Variants in LPIN1 observed in about 807,000 individuals in gnomAD.
The protein encoded by LPIN1 is lipin 1, also known as phosphatidate phosphatase LPIN1.
LPIN1 carries 71 observed loss-of-function variants against 107.5 expected under a neutral mutation model. The observed-to-expected ratio is 0.66, with a 90% CI of 0.55 to 0.80. The LOEUF (loss-of-function observed/expected upper bound fraction) is 0.80, where lower values mean the gene tolerates loss of function less well. Ranked by LOEUF, LPIN1 falls within the 30% of genes least tolerant of loss-of-function variation. The pLI, the probability that LPIN1 is intolerant of heterozygous loss-of-function variation, is 0.00. For missense variants in LPIN1, 1,043 were observed against 1,160.6 expected (o/e 0.90, Z 1.47); for synonymous variants, 445 against 452.6 (o/e 0.98, Z 0.21).
At position 11,815,188 on chromosome 2, in the gene LPIN1, C is replaced by T; in HGVS notation, c.2350C>T (p.Pro784Ser). Residue 784 changes from proline (P) to serine (S), a missense_variant, in exon 18 of 21, where the codon CCC becomes TCC. Pro to Ser is a moderately conservative substitution (Grantham distance 74, BLOSUM62 -1). Coordinates refer to ENST00000674199, the MANE Select transcript of LPIN1 (RefSeq NM_001349206.2). ...GGTCAACGAGAGGGGCACGGTGCTG[C>T]CCCAGGGGCCCCTGCTGCTGAGTCC... The part of the protein sequence containing the change: ...HWVNERGTVL[P>S]QGPLLLSPSS... The T allele has an allele frequency of 6.2e-7, 1 of 1,614,194 alleles. No individual in the cohort carries two copies. Among genetic ancestry groups the T allele is most frequent in the Non-Finnish European group, 8.5e-7 (1 of 1,180,018 alleles).
chr2:11,823,228 G>C (rs185057146), intron 20 of LPIN1: 1 of 152,304 alleles, frequency 6.6e-6, no homozygotes, highest in African/African-American at 2.4e-5. Flanking sequence ...GGTCGGTCTG[G>C]GGGAGGCGCG....
chr2:11,775,942 TTAAAGTA>T, intron 5 of LPIN1, 137 bp from the exon 6 acceptor site: 1 of 210,620 alleles, frequency 4.7e-6, no homozygotes, highest in Non-Finnish European at 9.4e-6. Context: ...TATATAGTCT[TTAAAGTA>T]TATTATATAT....
Position 11,677,737 on chromosome 2 carries a change from C to T in LPIN1, c.81+9C>T, listed in dbSNP as rs186272661. On this transcript the variant is annotated intron_variant, in intron 1 of 21. Coordinates refer to the LPIN1 transcript ENST00000449576. ...ACTCGGCTTGGTCATGGGTAAGGGC[C>T]GGCCATGTGGCCATCTGCAAACACA... 2,016 of 1,534,882 alleles carry T rather than the reference C, an allele frequency of 1.3e-3. 5 individuals carry two copies. The highest frequency in any genetic ancestry group is 1.8e-3 in the South Asian group (155 of 84,056).
chr2:11,801,580 G>C lies in LPIN1; in HGVS notation c.1887-1327G>C, dbSNP rs551435545. Among the ~76,000 whole-genome samples, 8 of 152,270 alleles carry C rather than the reference G, an allele frequency of 5.3e-5. No homozygotes were observed. In the South Asian group the frequency reaches 1.2e-3, roughly 24 times the overall value. On this transcript the variant is annotated intron_variant, in intron 14 of 20. Coordinates refer to ENST00000674199, the MANE Select transcript of LPIN1 (RefSeq NM_001349206.2). ...ATTTCATGGAGGTAGAGAGTAGAAT[G>C]GTGGTTACCAGAGCTGGGAAGGGTA...
rs1271341002 is a variant in LPIN1 at position 11,765,667 on chromosome 2, C to T, written c.126C>T (p.Asn42=). 4 of 1,614,066 alleles carry T rather than the reference C, an allele frequency of 2.5e-6. No individual in the cohort carries two copies. The highest frequency in any genetic ancestry group is 3.3e-5 in the Admixed American group (2 of 60,016). ...DIIVIRQPNG[N]LQCSPFHVRF... ...TTGTCATCCGCCAGCCCAATGGAAA[C>T]CTCCAATGCTCCCCTTTCCACGTCC... The change falls in exon 2 of 21, where the codon AAC becomes AAT. Residue 42 remains asparagine, a synonymous_variant. Coordinates refer to ENST00000674199, the MANE Select transcript of LPIN1 (RefSeq NM_001349206.2). This position sits in a 1 kb window ranked among gnomAD's most constrained non-coding sequence, Gnocchi z 4.4.
intron 12 of LPIN1, among the ~76,000 whole-genome samples, chr2:11,790,586 T>G (rs1572852315): frequency 1.3e-5 from 2 of 152,346 alleles, no homozygotes; most frequent in East Asian, 3.9e-4. Context: ...GAGTTTCAGA[T>G]CTGTCAGCAA....
exon 1 of LPIN1, chr2:11,677,649 T>C (rs1172290138): frequency 8.5e-6 from 13 of 1,534,922 alleles, no homozygotes; most frequent in East Asian, 2.4e-5. Context: ...GGGCGGGCCA[T>C]GGGGGAACAG....
intron 1 of LPIN1, chr2:11,713,625 C>T: frequency 3.4e-6 from 2 of 587,062 alleles, no homozygotes; most frequent in Non-Finnish European, 6.0e-6. Context: ...GCCTACATAC[C>T]ACCGAATTCA....
At chr2:11,792,662 C>A (rs764915006) in intron 13 of LPIN1, among the ~76,000 whole-genome samples, 1 of 152,164 alleles carries the variant, frequency 6.6e-6, no homozygotes, top group Non-Finnish European at 1.5e-5. Flanking sequence ...GCATTACAGG[C>A]GTGAGCCACC....
At position 11,741,207 on chromosome 2, in the gene LPIN1, G is replaced by A. The variant is rs1222618334; in HGVS notation, c.-71-142G>A. On this transcript the variant is annotated intron_variant, in intron 1 of 21. Transcript: ENST00000396097. ...GCATCCCCATAGAGGGACTGACCAG[G>A]AGCCCGGGAGTCCTGCCCCAGCTGT... 6.9e-6 allele frequency: 4 copies of A among 580,426 alleles called. No homozygotes were observed. In the African/African-American group the frequency reaches 7.6e-5, roughly 11 times the overall value. The allele number at this position is 580,426 out of a possible 1,614,324, so 36.0% of individuals were successfully genotyped here. A position where few individuals can be genotyped will look rare whatever the true frequency, so the allele number is the denominator to read the frequency against.
chr2:11,820,259 C>T, intron 19 of LPIN1, 152 bp from the exon 20 acceptor site: 1 of 637,710 alleles, frequency 1.6e-6, no homozygotes, highest in Non-Finnish European at 2.8e-6. Context: ...TGAATAGTTT[C>T]CCATCAAAGG....
rs774381690 is a variant in LPIN1 at position 11,784,918 on chromosome 2, G to A, written c.1391G>A (p.Ser464Asn). Residue 464 changes from serine (S) to asparagine (N), a missense_variant, in exon 10 of 21, where the codon AGC (serine) becomes AAC (asparagine). Physicochemically the swap from Ser to Asn is conservative, Grantham distance 46. Coordinates refer to ENST00000674199, the MANE Select transcript of LPIN1 (RefSeq NM_001349206.2). ...CCTTCCGGACTCGCAAAACATGCAAGCGACAACGGAGCCCGGTCAGCCAAC... is the reference window on the plus strand; with the variant it reads ...CCTTCCGGACTCGCAAAACATGCAAACGACAACGGAGCCCGGTCAGCCAAC... ...GDPSGLAKHA[S>N]DNGARSANQS... is the part of the protein sequence containing the mutation. 1 of 1,613,846 alleles carries A rather than the reference G, an allele frequency of 6.2e-7. No homozygotes were observed. Among genetic ancestry groups the A allele is most frequent in the Non-Finnish European group, 8.5e-7 (1 of 1,180,030 alleles).
rs187540519 is a variant in LPIN1, at chr2:11,727,730, C to T, written c.-72+3191C>T. ...CAAGGTACATTCAGTTTCCCACTTT[C>T]CTTATTTGCAACTTCTTTCTCCAAC... On this transcript the variant is annotated intron_variant, in intron 1 of 21. Transcript: ENST00000396097. Among the ~76,000 whole-genome samples, 2 of 152,326 alleles carry T rather than the reference C, an allele frequency of 1.3e-5. 1 individual carries two copies. Among genetic ancestry groups the T allele is most frequent in the East Asian group, 3.9e-4 (2 of 5,186 alleles).
chr2:11,770,666 G>A (rs1671696724), intron 3 of LPIN1, among the ~76,000 whole-genome samples: 1 of 152,154 alleles, frequency 6.6e-6, no homozygotes, highest in Non-Finnish European at 1.5e-5. Flanking sequence ...TTGTCAACGA[G>A]TTTCTCATAC....
At chr2:11,788,687 G>A (rs572275040) in intron 12 of LPIN1, among the ~76,000 whole-genome samples, 1 of 152,296 alleles carries the variant, frequency 6.6e-6, no homozygotes, top group Non-Finnish European at 1.5e-5. Context: ...CGAGCGGACC[G>A]AAGATTCCTT....
At chr2:11,770,784 A>C (rs1671713548) in intron 3 of LPIN1, among the ~76,000 whole-genome samples, 2 of 152,186 alleles carry the variant, frequency 1.3e-5, no homozygotes, top group Non-Finnish European at 2.9e-5. Flanking sequence ...TTTTGTCTTT[A>C]AGGAGAGGAT....
At chr2:11,695,353 T>C (rs1379385758) in intron 1 of LPIN1, among the ~76,000 whole-genome samples, 1 of 152,132 alleles carries the variant, frequency 6.6e-6, no homozygotes, top group Non-Finnish European at 1.5e-5. Flanking sequence ...GGCAGCTTCA[T>C]TGAGTAGATG....
rs754677964 is a variant in LPIN1 at position 11,779,633 on chromosome 2, G to T, written c.945G>T (p.Pro315=). The part of the protein sequence containing the change: ...PEMLWLWGEL[P]QAAKSSSPHK... ...TGCTTTGGCTGTGGGGAGAGCTGCC[G>T]CAGGCTGCTAAGGTGAGAGTCTCTT... The change falls in exon 7 of 21, where the codon CCG becomes CCT. Residue 315 remains proline, a synonymous_variant. Transcript: ENST00000674199. 36 of 1,613,828 alleles carry T rather than the reference G, an allele frequency of 2.2e-5. No homozygotes were observed. The Admixed American group carries it at 4.8e-4, about 22-fold the overall frequency.
In LPIN1 at chr2:11,697,905, C is replaced by G. The variant is rs1366895735; in HGVS notation, c.82-15851C>G. On this transcript the variant is annotated intron_variant, in intron 1 of 21. Transcript: ENST00000449576. The surrounding 1 kb of genome is among the most constrained non-coding windows in gnomAD (Gnocchi z 4.6). ...GTTCTCCCGAGGGGCAGCCCTCAGT[C>G]ACAAGCCAGACTAGTCACGCACCCC... Among the ~76,000 whole-genome samples the G allele has an allele frequency of 6.6e-6, 1 of 152,200 alleles. No individual in the cohort carries two copies. The highest frequency in any genetic ancestry group is 2.4e-5 in the African/African-American group (1 of 41,448).
Sources: allele counts gnomAD v4.1 joint callset (sites outside exome capture counted in the v4.1 genomes callset), GRCh38; gene constraint gnomAD v4.1.1; non-coding constraint Gnocchi (gnomAD v3.1); transcripts MANE v1.5; gene names NCBI Gene and HGNC (gene_info 2026-07-23, HGNC 2026-07-21).